The following RBMS3 variants were observed in gnomAD, a reference collection of about 807,000 sequenced individuals.
RBMS3 encodes RNA-binding motif, single-stranded-interacting protein 3.
Under a neutral mutation model 66.8 loss-of-function variants are expected in RBMS3, and 27 were observed. The ratio of observed to expected loss-of-function variants is 0.40; its 90% CI spans 0.30 to 0.56. The LOEUF is 0.56. Ranked by LOEUF, RBMS3 falls within the 20% of genes least tolerant of loss-of-function variation. RBMS3 has a pLI of 0.40. For missense variants in RBMS3, 513 were observed against 549.5 expected (o/e 0.93, Z 0.66); for synonymous variants, 188 against 183.0 (o/e 1.03, Z -0.22).
chr3:29,481,897 C>T (rs2043141093), intron 2 of RBMS3, among the ~76,000 whole-genome samples: 1 of 152,128 alleles, frequency 6.6e-6, no homozygotes. Flanking sequence ...TAACATGTCA[C>T]ACATTGTGCT....
At chr3:29,442,552 A>C (rs1182061363) in intron 2 of RBMS3, among the ~76,000 whole-genome samples, 1 of 152,120 alleles carries the variant, frequency 6.6e-6, no homozygotes, top group Non-Finnish European at 1.5e-5. Context: ...GGAGATGTAA[A>C]AAGATGTGAT....
At chr3:29,980,390 C>G (rs1222379757) in intron 12 of RBMS3, among the ~76,000 whole-genome samples, 1 of 152,308 alleles carries the variant, frequency 6.6e-6, no homozygotes, top group South Asian at 2.1e-4. Context: ...GTCGCGTGTT[C>G]ACTCTGATGA....
intron 6 of RBMS3, among the ~76,000 whole-genome samples, chr3:29,778,664 C>T (rs1293063077): frequency 6.6e-6 from 1 of 151,722 alleles, no homozygotes; most frequent in Non-Finnish European, 1.5e-5. Context: ...AATTCTGTCA[C>T]CTTATTAGAT....
intron 12 of RBMS3, among the ~76,000 whole-genome samples, chr3:29,984,958 C>A (rs539929445): frequency 6.6e-6 from 1 of 152,322 alleles, no homozygotes; most frequent in Non-Finnish European, 1.5e-5. Flanking sequence ...CTCTTCAGAG[C>A]CAGCAGGCAG....
intron 4 of RBMS3, among the ~76,000 whole-genome samples, chr3:29,642,400 T>G (rs2049751105): frequency 6.6e-6 from 1 of 151,898 alleles, no homozygotes; most frequent in African/African-American, 2.4e-5. Context: ...GTTAGTTTCC[T>G]TAAAAAGGAA....
chr3:29,505,679 C>T (rs764787063), intron 3 of RBMS3, among the ~76,000 whole-genome samples: 17 of 151,430 alleles, frequency 1.1e-4, no homozygotes, highest in Non-Finnish European at 2.2e-4. Context: ...GTAGTATGGG[C>T]ATCTTAATAG....
chr3:29,723,834 T>C (rs1463399084), intron 4 of RBMS3, among the ~76,000 whole-genome samples: 1 of 152,296 alleles, frequency 6.6e-6, no homozygotes, highest in East Asian at 1.9e-4. Flanking sequence ...AGCATTTTAA[T>C]GTACTGCAGG....
At chr3:29,443,483 G>A (rs2041703914) in intron 2 of RBMS3, among the ~76,000 whole-genome samples, 2 of 152,112 alleles carry the variant, frequency 1.3e-5, no homozygotes, top group East Asian at 3.8e-4. Context: ...TGACTAGGAG[G>A]TTACTCTAGA....
intron 14 of RBMS3, among the ~76,000 whole-genome samples, chr3:30,000,751 A>T (rs528571820): frequency 1.3e-5 from 2 of 152,276 alleles, no homozygotes; most frequent in African/African-American, 4.8e-5. Flanking sequence ...ACATGGATGA[A>T]ACTGGAAACC....
intron 2 of RBMS3, among the ~76,000 whole-genome samples, chr3:29,474,670 A>G (rs1199226511): frequency 6.6e-6 from 1 of 152,246 alleles, no homozygotes; most frequent in Non-Finnish European, 1.5e-5. Context: ...TGCGCTTACC[A>G]TATAGTAGGG....
At chr3:29,783,121 C>T (rs1359412915) in intron 6 of RBMS3, among the ~76,000 whole-genome samples, 1 of 152,110 alleles carries the variant, frequency 6.6e-6, no homozygotes, top group Non-Finnish European at 1.5e-5. Context: ...TTTGAAAACA[C>T]ATTTGAGGGA....
At chr3:29,470,716 A>G (rs2125796817) in intron 2 of RBMS3, among the ~76,000 whole-genome samples, 2 of 152,232 alleles carry the variant, frequency 1.3e-5, no homozygotes, top group African/African-American at 4.8e-5. Context: ...GAATGCTTAT[A>G]TACCCTGGAA....
intron 2 of RBMS3, among the ~76,000 whole-genome samples, chr3:29,455,142 C>T (rs557253155): frequency 1.3e-5 from 2 of 152,108 alleles, no homozygotes; most frequent in South Asian, 4.1e-4. Context: ...TTTGCAGGAT[C>T]GTTCGCCACA....
chr3:29,968,352 T>C (rs944097600), intron 12 of RBMS3, among the ~76,000 whole-genome samples: 1 of 152,190 alleles, frequency 6.6e-6, no homozygotes, highest in African/African-American at 2.4e-5. Context: ...CCCTGAGTTC[T>C]GGCCGGGGGT....
At chr3:29,414,721 A>T (rs139504011) in intron 1 of RBMS3, among the ~76,000 whole-genome samples, 165 of 152,308 alleles carry the variant, frequency 1.1e-3, no homozygotes, top group Non-Finnish European at 1.6e-3. Flanking sequence ...AAAAATGATA[A>T]GGGTATAAAG....
intron 4 of RBMS3, among the ~76,000 whole-genome samples, chr3:29,642,481 A>G (rs947543059): frequency 6.6e-6 from 1 of 152,120 alleles, no homozygotes. Flanking sequence ...GTAAAAATGT[A>G]TGGTTTCATG....
chr3:29,912,561 A>T (rs1160262424), intron 10 of RBMS3, among the ~76,000 whole-genome samples: 1 of 152,078 alleles, frequency 6.6e-6, no homozygotes, highest in East Asian at 1.9e-4. Context: ...AGCTGAAACA[A>T]CTGTGTTATT....
intron 4 of RBMS3, among the ~76,000 whole-genome samples, chr3:29,734,323 G>C (rs1209037452): frequency 6.6e-6 from 1 of 152,002 alleles, no homozygotes; most frequent in Non-Finnish European, 1.5e-5. Context: ...ATAAGTTCTA[G>C]AGTTTTATGG....
intron 3 of RBMS3, among the ~76,000 whole-genome samples, chr3:29,546,691 G>C (rs1422664653): frequency 6.6e-6 from 1 of 152,168 alleles, no homozygotes; most frequent in Non-Finnish European, 1.5e-5. Flanking sequence ...TGTAAGTTTT[G>C]CTAGTCTATG....
Sources: gnomAD v4.1 joint callset for allele counts (sites outside exome capture counted in the v4.1 genomes callset) on GRCh38, gnomAD v4.1.1 for gene constraint, MANE v1.5 for transcripts, NCBI Gene and HGNC (gene_info 2026-07-23, HGNC 2026-07-21) for gene names.